Variants in FAM13A observed in about 807,000 individuals in gnomAD.
FAM13A encodes protein FAM13A.
In FAM13A, 76 loss-of-function variants were observed where a neutral mutation model predicts 129.6. That is an observed-to-expected ratio of 0.59 (90% CI 0.49 to 0.71). The LOEUF is 0.71. FAM13A is among the 30% of genes least tolerant of loss of function. The probability of loss-of-function intolerance (pLI) is 0.00; values close to 1 mark genes in which losing one functional copy is unlikely to be tolerated. For synonymous variants in FAM13A, 443 were observed against 449.9 expected (o/e 0.98, Z 0.20); for missense variants, 1,108 against 1,249.3 (o/e 0.89, Z 1.70).
At chr4:88,837,943 A>G (rs763290641) in intron 7 of FAM13A, among the ~76,000 whole-genome samples, 16 of 152,258 alleles carry the variant, frequency 1.1e-4, no homozygotes, top group South Asian at 4.1e-4. Flanking sequence ...AACCAACCTA[A>G]GATCAATAAT....
intron 4 of FAM13A, chr4:88,989,808 C>T (rs1191776742): frequency 2.0e-5 from 3 of 152,064 alleles, no homozygotes; most frequent in Non-Finnish European, 4.4e-5. Flanking sequence ...GTGTTTAATG[C>T]TTACTAAATA....
chr4:88,978,522 C>A (rs1019302441), intron 4 of FAM13A, among the ~76,000 whole-genome samples: 25 of 152,182 alleles, frequency 1.6e-4, no homozygotes, highest in Non-Finnish European at 7.4e-5. Flanking sequence ...AGGCTGGGTG[C>A]AGTGGCTCAG....
At chr4:88,820,835 T>G (rs543865181) in intron 7 of FAM13A, among the ~76,000 whole-genome samples, 2 of 152,356 alleles carry the variant, frequency 1.3e-5, no homozygotes, top group South Asian at 2.1e-4. Context: ...ACTCAAAGTA[T>G]GAGAAGCATT....
At chr4:88,962,930 G>A (rs1181736231) in intron 4 of FAM13A, among the ~76,000 whole-genome samples, 1 of 151,494 alleles carries the variant, frequency 6.6e-6, no homozygotes, top group Non-Finnish European at 1.5e-5. Context: ...AATAAGATTA[G>A]TAACACAGTA....
chr4:88,808,161 A>T (rs1368117202), intron 7 of FAM13A, among the ~76,000 whole-genome samples: 2 of 152,174 alleles, frequency 1.3e-5, no homozygotes, highest in Non-Finnish European at 2.9e-5. Flanking sequence ...GGATTTAGTA[A>T]TACAATCTAA....
At chr4:88,749,718 G>T in intron 16 of FAM13A, 53 bp downstream of exon 16, 1 of 1,580,814 alleles carries the variant, frequency 6.3e-7, no homozygotes, top group South Asian at 1.1e-5. Context: ...CTGAAATGCT[G>T]CCATGTCCAG....
intron 11 of FAM13A, among the ~76,000 whole-genome samples, chr4:88,776,146 T>C (rs1329779527): frequency 1.3e-5 from 2 of 152,182 alleles, no homozygotes; most frequent in African/African-American, 4.8e-5. Context: ...CAGAACATAT[T>C]TGGAGAGAAG....
At chr4:88,883,514 G>T (rs1743926801) in intron 6 of FAM13A, among the ~76,000 whole-genome samples, 1 of 152,092 alleles carries the variant, frequency 6.6e-6, no homozygotes, top group South Asian at 2.1e-4. Flanking sequence ...AGCAAAGGTG[G>T]TGCTAAGGGG....
At chr4:88,755,790 G>A (rs1743495678) in intron 14 of FAM13A, among the ~76,000 whole-genome samples, 1 of 152,174 alleles carries the variant, frequency 6.6e-6, no homozygotes, top group African/African-American at 2.4e-5. Context: ...GATATATGAA[G>A]TATCTTATGC....
intron 14 of FAM13A, among the ~76,000 whole-genome samples, chr4:88,757,930 C>A (rs953581453): frequency 6.6e-6 from 1 of 152,162 alleles, no homozygotes; most frequent in African/African-American, 2.4e-5. Flanking sequence ...TTAAGTCATC[C>A]TGCTGTATTG....
chr4:88,853,552 G>C (rs1281721470), intron 6 of FAM13A, among the ~76,000 whole-genome samples: 3 of 152,092 alleles, frequency 2.0e-5, no homozygotes, highest in Non-Finnish European at 4.4e-5. Context: ...AAACTAATTA[G>C]CCAAAAATCT....
intron 4 of FAM13A, chr4:88,989,832 C>T (rs748338307): frequency 2.0e-5 from 3 of 152,160 alleles, no homozygotes; most frequent in Non-Finnish European, 2.9e-5. Context: ...ATTCTATTTA[C>T]AAATTCATTT....
At chr4:88,731,005 C>T (rs2149387271) in intron 23 of FAM13A, among the ~76,000 whole-genome samples, 1 of 152,272 alleles carries the variant, frequency 6.6e-6, no homozygotes, top group South Asian at 2.1e-4. Flanking sequence ...TTGGTGCCAC[C>T]ACCAGCGGGA....
intron 7 of FAM13A, among the ~76,000 whole-genome samples, chr4:88,834,055 ATTTTTTTTTTTT>A (rs922832858): frequency 1.2e-3 from 98 of 84,202 alleles, no homozygotes; most frequent in African/African-American, 3.8e-3. Context: ...AGGCCTGGCT[ATTTTTTTTTTTT>A]TTTTTTTTTT....
intron 13 of FAM13A, among the ~76,000 whole-genome samples, chr4:88,761,927 G>GA (rs1744894346): frequency 6.6e-6 from 1 of 152,040 alleles, no homozygotes; most frequent in African/African-American, 2.4e-5. Context: ...GTCTTACAGA[G>GA]AAGACAGTTA....
intron 1 of FAM13A, among the ~76,000 whole-genome samples, chr4:89,047,366 C>A (rs1771001131): frequency 6.6e-6 from 1 of 151,932 alleles, no homozygotes; most frequent in Non-Finnish European, 1.5e-5. Context: ...GTTACTATCA[C>A]AACAAGAAAA....
chr4:88,852,518 C>T (rs958163721), intron 6 of FAM13A, among the ~76,000 whole-genome samples: 1 of 152,182 alleles, frequency 6.6e-6, no homozygotes, highest in Non-Finnish European at 1.5e-5. Flanking sequence ...CACACTACCA[C>T]ATAGTCTACC....
chr4:88,932,341 T>C (rs950266078), intron 5 of FAM13A, among the ~76,000 whole-genome samples: 1 of 152,212 alleles, frequency 6.6e-6, no homozygotes, highest in Non-Finnish European at 1.5e-5. Flanking sequence ...GTAAATGAGA[T>C]ACATATATAG....
chr4:88,770,767 A>AG (rs1720521457), intron 11 of FAM13A, among the ~76,000 whole-genome samples: 1 of 152,174 alleles, frequency 6.6e-6, no homozygotes, highest in Admixed American at 6.5e-5. Context: ...GTCACACAAT[A>AG]GAAAGCTTTG....
Sources: allele counts gnomAD v4.1 joint callset (sites outside exome capture counted in the v4.1 genomes callset), GRCh38; gene constraint gnomAD v4.1.1; transcripts MANE v1.5; gene names NCBI Gene and HGNC (gene_info 2026-07-23, HGNC 2026-07-21).